DPP6: variants seen among roughly 807,000 people sequenced by gnomAD.
The protein encoded by DPP6 is dipeptidyl peptidase like 6, also known as A-type potassium channel modulatory protein DPP6.
In DPP6, 69 loss-of-function variants were observed where a neutral mutation model predicts 122.6. The observed-to-expected ratio is 0.56, with a 90% CI of 0.46 to 0.69. The LOEUF is 0.69. Ranked by LOEUF, DPP6 falls within the 30% of genes least tolerant of loss-of-function variation. DPP6 has a pLI of 0.00. For missense variants in DPP6, 928 were observed against 1,116.9 expected (o/e 0.83, Z 2.41); for synonymous variants, 418 against 433.1 (o/e 0.97, Z 0.43).
the DPP6 span, among the ~76,000 whole-genome samples, chr7:153,863,122 C>G: frequency 6.6e-6 from 1 of 152,044 alleles, no homozygotes; most frequent in Non-Finnish European, 1.5e-5. Flanking sequence ...TCATGTTTCT[C>G]TTATTATATA....
At chr7:154,480,822 TCC>T (rs1563737807) in intron 3 of DPP6, among the ~76,000 whole-genome samples, 1 of 151,958 alleles carries the variant, frequency 6.6e-6, no homozygotes, top group Non-Finnish European at 1.5e-5. Flanking sequence ...AGAAAAAAAA[TCC>T]ACCCTATCCA....
chr7:154,569,372 G>T (rs1028959887), intron 5 of DPP6, among the ~76,000 whole-genome samples: 11 of 151,846 alleles, frequency 7.2e-5, no homozygotes, highest in South Asian at 2.1e-4. Context: ...ACAATTAAAG[G>T]TTCCATATTC....
intron 5 of DPP6, among the ~76,000 whole-genome samples, chr7:154,583,215 T>C (rs1337833641): frequency 6.6e-6 from 1 of 152,210 alleles, no homozygotes; most frequent in African/African-American, 2.4e-5. Context: ...AACAGACGTG[T>C]GTATCTCAGA....
At chr7:153,814,054 T>G in the DPP6 span, among the ~76,000 whole-genome samples, 1 of 152,150 alleles carries the variant, frequency 6.6e-6, no homozygotes, top group Admixed American at 6.5e-5. Context: ...ATTTTGGCTT[T>G]TGTTGCCATT....
At chr7:154,218,040 A>G (rs1438063884) in intron 1 of DPP6, among the ~76,000 whole-genome samples, 1 of 152,234 alleles carries the variant, frequency 6.6e-6, no homozygotes, top group Non-Finnish European at 1.5e-5. Context: ...TATGAAAAAA[A>G]GAAGCCAAAT....
intron 1 of DPP6, among the ~76,000 whole-genome samples, chr7:153,993,250 A>C (rs1031539511): frequency 6.6e-6 from 1 of 152,222 alleles, no homozygotes; most frequent in Non-Finnish European, 1.5e-5. Flanking sequence ...TGCAATGAAC[A>C]GATGAATGAA....
At chr7:154,721,148 A>G (rs967045885) in intron 7 of DPP6, among the ~76,000 whole-genome samples, 18 of 152,240 alleles carry the variant, frequency 1.2e-4, no homozygotes, top group Admixed American at 8.5e-4. Flanking sequence ...ATTTTTGGTT[A>G]AAAATCACAC....
At chr7:154,820,213 G>T (rs572868108) in intron 16 of DPP6, among the ~76,000 whole-genome samples, 1 of 152,228 alleles carries the variant, frequency 6.6e-6, no homozygotes, top group Admixed American at 6.5e-5. Flanking sequence ...CGGGACACGC[G>T]AAAGGGAGGC....
At chr7:154,711,060 A>T (rs1461895848) in intron 7 of DPP6, among the ~76,000 whole-genome samples, 35 of 152,238 alleles carry the variant, frequency 2.3e-4, no homozygotes. Flanking sequence ...GAATAGAGAG[A>T]GAAATGCAAT....
At chr7:154,616,491 TA>T (rs1834265364) in intron 5 of DPP6, among the ~76,000 whole-genome samples, 3 of 152,206 alleles carry the variant, frequency 2.0e-5, no homozygotes. Context: ...GAGAGGGGTC[TA>T]AAAATGCAAA....
At chr7:154,569,351 A>G (rs1221395164) in intron 5 of DPP6, among the ~76,000 whole-genome samples, 1 of 152,000 alleles carries the variant, frequency 6.6e-6, no homozygotes, top group East Asian at 1.9e-4. Flanking sequence ...ATCCATTGGT[A>G]TTCTTTAAAA....
intron 1 of DPP6, among the ~76,000 whole-genome samples, chr7:154,341,053 C>T (rs1809882043): frequency 1.3e-5 from 2 of 152,138 alleles, no homozygotes; most frequent in African/African-American, 4.8e-5. Flanking sequence ...TGAATGGATT[C>T]AAGGCTCCTG....
intron 1 of DPP6, among the ~76,000 whole-genome samples, chr7:154,179,116 G>A (rs1158987651): frequency 6.6e-6 from 1 of 152,222 alleles, no homozygotes; most frequent in East Asian, 1.9e-4. Flanking sequence ...CTTTCCCTGG[G>A]CTGTGGCTCT....
intron 1 of DPP6, among the ~76,000 whole-genome samples, chr7:153,978,831 T>C (rs544925647): frequency 2.6e-3 from 388 of 152,010 alleles, no homozygotes; most frequent in African/African-American, 4.9e-3. Flanking sequence ...TTGTTTTTGT[T>C]AGGTTTGTCA....
chr7:154,595,473 G>A (rs994787261), intron 5 of DPP6, among the ~76,000 whole-genome samples: 1 of 152,266 alleles, frequency 6.6e-6, no homozygotes, highest in African/African-American at 2.4e-5. Context: ...CCCATCCTAG[G>A]ATTATAAACT....
At chr7:153,887,942 A>G (rs1164649029) in intron 1 of DPP6, among the ~76,000 whole-genome samples, 1 of 152,140 alleles carries the variant, frequency 6.6e-6, no homozygotes, top group East Asian at 1.9e-4. Flanking sequence ...GCAAATTGCA[A>G]CTTTGCGGCT....
rs535831680 is a variant in DPP6 at position 154,004,766 on chromosome 7, TTA to T, written c.51+117036_51+117037del. 1.6e-3 allele frequency among the ~76,000 whole-genome samples: 249 copies of T among 152,218 alleles called. 1 individual carries two copies. The highest frequency in any genetic ancestry group is 2.3e-3 in the Non-Finnish European group (156 of 68,012). ...TTGTCTGTCAGCTTTGGACTGTAGT[TTA>T]TATGTCAGTGACTGTAGTTTATATG... On this transcript the variant is annotated intron_variant, in intron 1 of 25. Coordinates refer to the DPP6 transcript ENST00000404039.
At chr7:154,202,853 C>G (rs1347313060) in intron 1 of DPP6, among the ~76,000 whole-genome samples, 1 of 152,212 alleles carries the variant, frequency 6.6e-6, no homozygotes, top group African/African-American at 2.4e-5. Context: ...AGCACAGAAC[C>G]TGGACTATAT....
the DPP6 span, among the ~76,000 whole-genome samples, chr7:153,808,279 G>A: frequency 8.1e-5 from 12 of 148,970 alleles, no homozygotes; most frequent in East Asian, 4.0e-4. Flanking sequence ...GTGTGCGCAC[G>A]TGTGTGCCTG....
Sources: gnomAD v4.1 joint callset for allele counts (sites outside exome capture counted in the v4.1 genomes callset) on GRCh38, gnomAD v4.1.1 for gene constraint, MANE v1.5 for transcripts, NCBI Gene and HGNC (gene_info 2026-07-23, HGNC 2026-07-21) for gene names.